NT5DC3: variants seen among roughly 807,000 people sequenced by gnomAD.
NT5DC3 encodes the protein 5'-nucleotidase domain containing 3.
In NT5DC3, 42 loss-of-function variants were observed where a neutral mutation model predicts 67.8. The ratio of observed to expected loss-of-function variants is 0.62; its 90% CI spans 0.48 to 0.80. The LOEUF is 0.80. Among genes scored for constraint, NT5DC3 ranks in the 30% least tolerant of loss-of-function variants. NT5DC3 has a pLI of 0.00. For missense variants in NT5DC3, 570 were observed against 696.4 expected (o/e 0.82, Z 2.04); for synonymous variants, 237 against 255.6 (o/e 0.93, Z 0.69).
At chr12:103,779,685 G>C (rs900014172) in intron 13 of NT5DC3, among the ~76,000 whole-genome samples, 1 of 152,150 alleles carries the variant, frequency 6.6e-6, no homozygotes, top group Admixed American at 6.5e-5. Context: ...GCTATACCCA[G>C]CGGCTGAAGA....
At chr12:103,794,536 G>C (rs181362836) in intron 6 of NT5DC3, among the ~76,000 whole-genome samples, 4 of 152,346 alleles carry the variant, frequency 2.6e-5, no homozygotes, top group African/African-American at 7.2e-5. Flanking sequence ...ATTTTCAAAA[G>C]AGTGCTTGGA....
the NT5DC3 span, chr12:103,758,121 C>T: frequency 6.2e-7 from 1 of 1,611,606 alleles, no homozygotes; most frequent in Non-Finnish European, 8.5e-7. Flanking sequence ...CCACCCAGGT[C>T]CCTGCACACC....
chr12:103,840,175 T>C (rs1888319380), intron 1 of NT5DC3, among the ~76,000 whole-genome samples: 1 of 152,174 alleles, frequency 6.6e-6, no homozygotes, highest in African/African-American at 2.4e-5. Flanking sequence ...CTTCGTAGAT[T>C]ACAGGAACGA....
rs747641056 is a variant in NT5DC3, at chr12:103,793,475, C to A, written c.852G>T (p.Val284=). Reference sequence around the variant, plus strand: ...TGCCATGATCAGCCAGTTTGGCCAACACTGCGCGGGTCTGCTCAGCATAGC... The same window carrying A: ...TGCCATGATCAGCCAGTTTGGCCAAAACTGCGCGGGTCTGCTCAGCATAGC... The part of the protein sequence containing the change: ...YICYAEQTRA[V]LAKLADHGKK... Residue 284 remains valine, a synonymous_variant, in exon 8 of 14, where the codon GTG becomes GTT. Transcript: ENST00000392876. 13 of 1,614,212 alleles carry A rather than the reference C, an allele frequency of 8.1e-6. No individual in the cohort carries two copies. The South Asian group carries it at 9.9e-5, about 12-fold the overall frequency.
intron 2 of NT5DC3, among the ~76,000 whole-genome samples, chr12:103,808,598 C>T (rs1039425671): frequency 2.6e-5 from 4 of 152,220 alleles, no homozygotes; most frequent in African/African-American, 9.7e-5. Context: ...GATCATTTAT[C>T]CACTACCTGC....
intron 1 of NT5DC3, among the ~76,000 whole-genome samples, 153 bp from the exon 2 acceptor site, chr12:103,815,274 C>A (rs974292951): frequency 6.6e-6 from 1 of 152,150 alleles, no homozygotes; most frequent in African/African-American, 2.4e-5. Context: ...AAAGACCACA[C>A]GTTGCATGAT....
rs1462182378 is a variant in NT5DC3 at position 103,785,388 on chromosome 12, T to C, written c.1276A>G (p.Ile426Val). Reference protein sequence around the residue: ...ELKIMNTEQYIQTMTWLQTLT... With the variant: ...ELKIMNTEQYVQTMTWLQTLT... ...GTCTGCAGCCAGGTCATGGTTTGAATGTATTGCTCCGTGTTCATGATTTTG... is the reference window on the plus strand; with the variant it reads ...GTCTGCAGCCAGGTCATGGTTTGAACGTATTGCTCCGTGTTCATGATTTTG... The change falls in exon 12 of 14, where the codon ATT becomes GTT. Residue 426 changes from isoleucine to valine, a missense_variant. By Grantham distance (29) the Ile-to-Val change is conservative. Coordinates refer to ENST00000392876, the MANE Select transcript of NT5DC3 (RefSeq NM_001031701.3). 13 of 1,614,008 alleles carry C rather than the reference T, an allele frequency of 8.1e-6. No individual in the cohort carries two copies. In the South Asian group the frequency reaches 8.8e-5, roughly 11 times the overall value.
chr12:103,778,826 A>AAGAAC (rs1261754094), intron 13 of NT5DC3, among the ~76,000 whole-genome samples: 2 of 152,116 alleles, frequency 1.3e-5, no homozygotes, highest in Non-Finnish European at 2.9e-5. Flanking sequence ...AAGAAAAGAA[A>AAGAAC]AGAAAACAGC....
At chr12:103,766,206 A>G (rs773296232), downstream of NT5DC3, 1 of 1,571,030 alleles carries the variant, frequency 6.4e-7, no homozygotes, top group African/African-American at 1.3e-5. Context: ...GTCATGCCTC[A>G]GACCAGTGGC....
the NT5DC3 span, chr12:103,763,377 G>A: frequency 2.6e-6 from 2 of 772,688 alleles, no homozygotes; most frequent in Non-Finnish European, 4.4e-6. Flanking sequence ...ACAAAGTACT[G>A]TTAAAAAAGG....
At chr12:103,811,684 T>G (rs1022412231) in intron 2 of NT5DC3, among the ~76,000 whole-genome samples, 3 of 152,050 alleles carry the variant, frequency 2.0e-5, no homozygotes, top group Admixed American at 1.3e-4. Flanking sequence ...ACCAAAAATA[T>G]GTGAAGGAAG....
chr12:103,746,550 C>G, the NT5DC3 span: 1 of 1,587,132 alleles, frequency 6.3e-7, no homozygotes. Flanking sequence ...TGGGTTTTAA[C>G]TCTTCACACC....
At chr12:103,821,143 G>C (rs556252467) in intron 1 of NT5DC3, among the ~76,000 whole-genome samples, 1 of 152,344 alleles carries the variant, frequency 6.6e-6, no homozygotes, top group South Asian at 2.1e-4. Flanking sequence ...AGTGGAGGCT[G>C]GAAGGCTAAG....
the NT5DC3 span, among the ~76,000 whole-genome samples, chr12:103,765,085 T>TCC: frequency 1.5e-5 from 1 of 65,326 alleles, no homozygotes; most frequent in African/African-American, 5.6e-5. Context: ...AGACTCTGTC[T>TCC]CAAAAAAAAA....
At chr12:103,793,884 G>C in intron 7 of NT5DC3, 53 bp downstream of exon 7, 3 of 1,457,870 alleles carry the variant, frequency 2.1e-6, no homozygotes, top group Non-Finnish European at 2.9e-6. Context: ...CGGCATGGTT[G>C]CAAAAGAAAC....
the NT5DC3 span, among the ~76,000 whole-genome samples, chr12:103,764,752 A>C: frequency 1.3e-5 from 2 of 152,136 alleles, no homozygotes; most frequent in African/African-American, 4.8e-5. Context: ...ACCAGATTGC[A>C]AATCATATTT....
At chr12:103,819,094 T>C (rs1887385573) in intron 1 of NT5DC3, among the ~76,000 whole-genome samples, 1 of 152,114 alleles carries the variant, frequency 6.6e-6, no homozygotes, top group African/African-American at 2.4e-5. Context: ...ACTACTATGA[T>C]AAAAAATCGT....
At chr12:103,760,263 GT>G in the NT5DC3 span, among the ~76,000 whole-genome samples, 1 of 152,046 alleles carries the variant, frequency 6.6e-6, no homozygotes, top group Non-Finnish European at 1.5e-5. Flanking sequence ...GTGGGGGGTG[GT>G]TTTTTGTTGT....
chr12:103,794,811 C>A (rs1441606073), intron 6 of NT5DC3, among the ~76,000 whole-genome samples: 1 of 152,236 alleles, frequency 6.6e-6, no homozygotes, highest in East Asian at 1.9e-4. Context: ...GTAGCTCAGG[C>A]AGAGATGTGG....
Sources: allele counts gnomAD v4.1 joint callset (sites outside exome capture counted in the v4.1 genomes callset), GRCh38; gene constraint gnomAD v4.1.1; transcripts MANE v1.5; gene names NCBI Gene and HGNC (gene_info 2026-07-23, HGNC 2026-07-21).